The following CCDC141 variants were observed in gnomAD, a reference collection of about 807,000 sequenced individuals.
CCDC141 encodes the protein coiled-coil domain-containing protein 141.
A neutral mutation model predicts 181.0 loss-of-function variants in CCDC141; 168 were observed. That is an observed-to-expected ratio of 0.93 (90% CI 0.82 to 1.05). The LOEUF is 1.05. Among genes scored for constraint, CCDC141 ranks in the 50% least tolerant of loss-of-function variants. The pLI is 0.00. For synonymous variants in CCDC141, 666 were observed against 642.3 expected, an observed-to-expected ratio of 1.04 and a Z score of -0.56; for missense variants, 1,902 against 1,788.5, an observed-to-expected ratio of 1.06 and a Z score of -1.14.
intron 2 of CCDC141, among the ~76,000 whole-genome samples, chr2:178,997,093 C>A (rs151118362): frequency 1.3e-5 from 2 of 152,236 alleles, no homozygotes; most frequent in Admixed American, 1.3e-4. Context: ...CTATGAGATT[C>A]TTGAAATAGA....
chr2:178,853,149 T>C (rs1028394543), intron 20 of CCDC141, among the ~76,000 whole-genome samples: 1 of 152,226 alleles, frequency 6.6e-6, no homozygotes, highest in African/African-American at 2.4e-5. Context: ...AGTATTGTTC[T>C]GGTGTTATTA....
At chr2:179,022,053 A>G (rs1034129493) in intron 2 of CCDC141, among the ~76,000 whole-genome samples, 20 of 152,278 alleles carry the variant, frequency 1.3e-4, no homozygotes, top group African/African-American at 4.8e-4. Flanking sequence ...TGACTCTTCC[A>G]TATCTGTTCT....
At chr2:178,996,883 T>C (rs1692313108) in intron 2 of CCDC141, among the ~76,000 whole-genome samples, 1 of 152,218 alleles carries the variant, frequency 6.6e-6, no homozygotes, top group South Asian at 2.1e-4. Context: ...TGATTCAAAT[T>C]TCCTTGGAAT....
chr2:179,036,120 G>C (rs979481677), intron 2 of CCDC141, among the ~76,000 whole-genome samples: 23 of 152,314 alleles, frequency 1.5e-4, no homozygotes, highest in Non-Finnish European at 2.5e-4. Context: ...CTGCTAAGAA[G>C]TCCAACCTTG....
rs555571254 is a variant in CCDC141, at chr2:178,977,607, T to G, written c.417+877A>C. 2.0e-5 allele frequency among the ~76,000 whole-genome samples: 3 copies of G among 152,284 alleles called. No homozygotes were observed. In the South Asian group the frequency reaches 6.2e-4, roughly 32 times the overall value. ...TGCTTTTAAACAAGTTCATGATGCA[T>G]GAGATTGCCTACTCCAATTTTTAGT... On this transcript the variant is annotated intron_variant, in intron 3 of 23. Coordinates refer to ENST00000443758, the MANE Select transcript of CCDC141 (RefSeq NM_173648.4).
chr2:178,882,773 G>A (rs1002878283), intron 11 of CCDC141, among the ~76,000 whole-genome samples: 13 of 152,096 alleles, frequency 8.5e-5, no homozygotes, highest in African/African-American at 2.2e-4. Flanking sequence ...CCACTGGAGC[G>A]TCTGGAAGCT....
At chr2:178,852,834 T>A (rs1403208266) in intron 20 of CCDC141, among the ~76,000 whole-genome samples, 1 of 152,180 alleles carries the variant, frequency 6.6e-6, no homozygotes, top group Admixed American at 6.5e-5. Context: ...GGGGCCTCTT[T>A]TAGGAGGAAG....
chr2:178,982,934 C>T (rs1016421189), intron 2 of CCDC141, among the ~76,000 whole-genome samples: 11 of 152,354 alleles, frequency 7.2e-5, no homozygotes, highest in African/African-American at 2.4e-4. Context: ...ACAAAGCAGC[C>T]TGGAAGCTCG....
At chr2:179,029,221 A>C (rs932070435) in intron 2 of CCDC141, among the ~76,000 whole-genome samples, 1 of 152,166 alleles carries the variant, frequency 6.6e-6, no homozygotes, top group Admixed American at 6.5e-5. Flanking sequence ...GCTGATGACT[A>C]TGAGCCATCT....
intron 4 of CCDC141, among the ~76,000 whole-genome samples, chr2:178,968,952 C>T (rs899970943): frequency 6.6e-6 from 1 of 151,972 alleles, no homozygotes; most frequent in Non-Finnish European, 1.5e-5. Context: ...ATACTATAAA[C>T]ACCTCTATGC....
chr2:179,011,676 T>C (rs2042274368), intron 2 of CCDC141, among the ~76,000 whole-genome samples: 2 of 152,154 alleles, frequency 1.3e-5, no homozygotes, highest in African/African-American at 4.8e-5. Flanking sequence ...ATACACATTC[T>C]ATTCAACAGC....
At chr2:178,982,657 C>A (rs578218473) in intron 2 of CCDC141, among the ~76,000 whole-genome samples, 4 of 152,034 alleles carry the variant, frequency 2.6e-5, no homozygotes, top group African/African-American at 4.8e-5. Context: ...CCTCGGGAAG[C>A]ACAAGGGGTC....
chr2:179,010,109 G>T (rs1228900815), intron 2 of CCDC141, among the ~76,000 whole-genome samples: 1 of 151,838 alleles, frequency 6.6e-6, no homozygotes, highest in Non-Finnish European at 1.5e-5. Context: ...AAAGAAAAAA[G>T]AATAAGAAAA....
At chr2:179,020,295 A>T (rs1429031626) in intron 2 of CCDC141, among the ~76,000 whole-genome samples, 5 of 151,742 alleles carry the variant, frequency 3.3e-5, no homozygotes, top group Admixed American at 2.6e-4. Flanking sequence ...TAGTCCCCAC[A>T]CTCCTATCCA....
chr2:178,871,449 T>A lies in CCDC141; in HGVS notation c.2183A>T (p.Asn728Ile). 6.2e-7 allele frequency: 1 copy of A among 1,613,902 alleles called. No individual in the cohort carries two copies. The highest frequency in any genetic ancestry group is 1.1e-5 in the South Asian group (1 of 91,010). ...QFILDLRQKW[N>I]DMKPQFQQLN... ...CACCTGGAACTGAGGCTTCATGTCA[T>A]TCCATTTTTGTCGTAGATCTAAAAT... The change falls in exon 14 of 24, where the codon AAT becomes ATT. Residue 728 changes from asparagine to isoleucine, a missense_variant. By Grantham distance (149) the Asn-to-Ile change is moderately radical. Coordinates refer to ENST00000443758, the MANE Select transcript of CCDC141 (RefSeq NM_173648.4).
chr2:178,897,552 C>G (rs1251027178), intron 8 of CCDC141, among the ~76,000 whole-genome samples: 1 of 152,060 alleles, frequency 6.6e-6, no homozygotes, highest in Non-Finnish European at 1.5e-5. Flanking sequence ...AAAGTTACAC[C>G]AAAGCAAAAT....
intron 4 of CCDC141, among the ~76,000 whole-genome samples, chr2:178,966,833 C>A (rs1690661247): frequency 6.6e-6 from 1 of 151,680 alleles, no homozygotes; most frequent in South Asian, 2.1e-4. Context: ...TAACCCAATG[C>A]AAGGAAGCTA....
Position 179,034,071 on chromosome 2 carries a change from T to C in CCDC141, c.225+13213A>G, listed in dbSNP as rs2043072366. Reference sequence around the variant, plus strand: ...ATGTTCATTGCGGCACTATTCACAATAGCAAAGACATGGAATCAACCTAAA... The same window carrying C: ...ATGTTCATTGCGGCACTATTCACAACAGCAAAGACATGGAATCAACCTAAA... On this transcript the variant is annotated intron_variant, in intron 2 of 23. Coordinates refer to ENST00000443758, the MANE Select transcript of CCDC141 (RefSeq NM_173648.4). Among the ~76,000 whole-genome samples, 3 of 152,140 alleles carry C rather than the reference T, an allele frequency of 2.0e-5. No homozygotes were observed. The South Asian group carries it at 6.2e-4, about 32-fold the overall frequency.
chr2:178,982,668 AG>A (rs1691478465), intron 2 of CCDC141, among the ~76,000 whole-genome samples: 1 of 152,174 alleles, frequency 6.6e-6, no homozygotes, highest in Non-Finnish European at 1.5e-5. Context: ...ACAAGGGGTC[AG>A]GGAGTTCCCT....
Sources: gnomAD v4.1 joint callset for allele counts (sites outside exome capture counted in the v4.1 genomes callset) on GRCh38, gnomAD v4.1.1 for gene constraint, MANE v1.5 for transcripts, NCBI Gene and HGNC (gene_info 2026-07-23, HGNC 2026-07-21) for gene names.